Variants in IKZF2 observed in about 807,000 individuals in gnomAD.
IKZF2 encodes IKAROS family zinc finger 2, also known as zinc finger protein Helios.
In IKZF2, 15 loss-of-function variants were observed where a neutral mutation model predicts 49.2. That is an observed-to-expected ratio of 0.30 (90% CI 0.20 to 0.47). The LOEUF (loss-of-function observed/expected upper bound fraction) is 0.47, where lower values mean the gene tolerates loss of function less well. Among genes scored for constraint, IKZF2 ranks in the 20% least tolerant of loss-of-function variants. The pLI, the probability that IKZF2 is intolerant of heterozygous loss-of-function variation, is 1.00. For missense variants in IKZF2, 567 were observed against 664.6 expected (o/e 0.85, Z 1.61); for synonymous variants, 227 against 221.4 (o/e 1.03, Z -0.23).
intron 4 of IKZF2, among the ~76,000 whole-genome samples, chr2:213,139,678 T>C (rs2060799851): frequency 6.6e-6 from 1 of 152,016 alleles, no homozygotes. Flanking sequence ...AGATCCACTC[T>C]AAGTGTGCCA....
At chr2:213,146,595 A>G (rs894271539) in intron 4 of IKZF2, among the ~76,000 whole-genome samples, 2 of 152,060 alleles carry the variant, frequency 1.3e-5, no homozygotes, top group African/African-American at 4.8e-5. Context: ...CTTAAATTTC[A>G]GTAGTATTTA....
intron 6 of IKZF2, among the ~76,000 whole-genome samples, chr2:213,037,397 T>C (rs539623459): frequency 1.8e-4 from 27 of 152,334 alleles, no homozygotes; most frequent in African/African-American, 6.3e-4. Context: ...AAGATGTGAT[T>C]GTATATGCTA....
At chr2:213,096,025 T>TAG (rs1559267838) in intron 4 of IKZF2, among the ~76,000 whole-genome samples, 1 of 151,896 alleles carries the variant, frequency 6.6e-6, no homozygotes, top group Non-Finnish European at 1.5e-5. Context: ...ATACAGCTTA[T>TAG]AGAAGGTAAC....
intron 4 of IKZF2, among the ~76,000 whole-genome samples, chr2:213,074,508 T>C (rs1402165940): frequency 6.6e-6 from 1 of 152,222 alleles, no homozygotes; most frequent in East Asian, 1.9e-4. Flanking sequence ...GGTCTATCAT[T>C]GAAAAGTTAT....
At chr2:213,044,210 T>C (rs1301081372) in intron 6 of IKZF2, among the ~76,000 whole-genome samples, 1 of 152,214 alleles carries the variant, frequency 6.6e-6, no homozygotes, top group Non-Finnish European at 1.5e-5. Flanking sequence ...TTAATTCCAG[T>C]GACCTCTAGA....
intron 4 of IKZF2, among the ~76,000 whole-genome samples, chr2:213,100,369 G>A (rs1706511991): frequency 6.6e-6 from 1 of 151,896 alleles, no homozygotes. Context: ...TTGATTTTAA[G>A]AATGATAGAT....
At chr2:213,114,957 C>A (rs571635867) in intron 4 of IKZF2, among the ~76,000 whole-genome samples, 2 of 151,246 alleles carry the variant, frequency 1.3e-5, no homozygotes, top group Non-Finnish European at 2.9e-5. Context: ...GAAACAAAAG[C>A]ATAAACCTAT....
intron 4 of IKZF2, among the ~76,000 whole-genome samples, chr2:213,085,553 C>T (rs186728694): frequency 6.6e-6 from 1 of 152,102 alleles, no homozygotes; most frequent in Non-Finnish European, 1.5e-5. Context: ...TATTCATCAA[C>T]TCATGAGAGT....
chr2:213,106,456 T>C (rs1038953122), intron 4 of IKZF2, among the ~76,000 whole-genome samples: 6 of 151,584 alleles, frequency 4.0e-5, no homozygotes, highest in Admixed American at 6.6e-5. Flanking sequence ...CTGTGAGACA[T>C]AGTGAGACCT....
chr2:213,093,893 G>A (rs956850703), intron 4 of IKZF2, among the ~76,000 whole-genome samples: 1 of 152,160 alleles, frequency 6.6e-6, no homozygotes, highest in Non-Finnish European at 1.5e-5. Context: ...TAAGACATAA[G>A]CTGCTATGTG....
chr2:213,091,174 A>C (rs145734704), intron 4 of IKZF2, among the ~76,000 whole-genome samples: 2 of 152,314 alleles, frequency 1.3e-5, no homozygotes, highest in Non-Finnish European at 2.9e-5. Flanking sequence ...ACCAATTAAA[A>C]TTGGAAGGTA....
At chr2:213,043,336 A>C (rs1223575702) in intron 6 of IKZF2, among the ~76,000 whole-genome samples, 6 of 152,180 alleles carry the variant, frequency 3.9e-5, no homozygotes, top group African/African-American at 1.4e-4. Flanking sequence ...TTACCAACCT[A>C]CTAAATGAAA....
intron 4 of IKZF2, among the ~76,000 whole-genome samples, chr2:213,059,821 T>C (rs1701510175): frequency 6.6e-6 from 1 of 151,384 alleles, no homozygotes; most frequent in Non-Finnish European, 1.5e-5. Context: ...ACAAATATAG[T>C]TAGAACTTTT....
intron 4 of IKZF2, among the ~76,000 whole-genome samples, chr2:213,132,253 A>G (rs1461033171): frequency 6.6e-6 from 1 of 152,086 alleles, no homozygotes; most frequent in Non-Finnish European, 1.5e-5. Context: ...CAGTCACACA[A>G]AGGAGATAAG....
intron 7 of IKZF2, 77 bp from the exon 8 acceptor site, chr2:213,014,011 T>A (rs1206936642): frequency 2.5e-5 from 34 of 1,356,444 alleles, no homozygotes; most frequent in Non-Finnish European, 3.3e-5. Context: ...ATATGCCATC[T>A]CGATATGTGT....
intron 7 of IKZF2, among the ~76,000 whole-genome samples, chr2:213,017,643 G>C (rs546829557): frequency 6.6e-6 from 1 of 152,156 alleles, no homozygotes; most frequent in Non-Finnish European, 1.5e-5. Context: ...TACATTGGTA[G>C]TTGTTCACAT....
chr2:213,068,561 G>T (rs776246819), intron 4 of IKZF2, among the ~76,000 whole-genome samples: 6 of 151,942 alleles, frequency 3.9e-5, no homozygotes, highest in Non-Finnish European at 7.4e-5. Context: ...AACAATTTGT[G>T]TAATTGGTAA....
At chr2:213,089,896 A>G (rs192269766) in intron 4 of IKZF2, among the ~76,000 whole-genome samples, 2 of 152,298 alleles carry the variant, frequency 1.3e-5, no homozygotes, top group African/African-American at 4.8e-5. Context: ...GAAATTCTGG[A>G]AAAAAGATTA....
chr2:213,106,052 T>C (rs2059513399), intron 4 of IKZF2, among the ~76,000 whole-genome samples: 1 of 152,196 alleles, frequency 6.6e-6, no homozygotes, highest in Non-Finnish European at 1.5e-5. Flanking sequence ...AGTAACAAAA[T>C]TAAGTGATTC....
Sources: gnomAD v4.1 joint callset for allele counts (sites outside exome capture counted in the v4.1 genomes callset) on GRCh38, gnomAD v4.1.1 for gene constraint, MANE v1.5 for transcripts, NCBI Gene and HGNC (gene_info 2026-07-23, HGNC 2026-07-21) for gene names.